The following DAGLA variants were observed in gnomAD, a reference collection of about 807,000 sequenced individuals.
The protein encoded by DAGLA is diacylglycerol lipase-alpha.
In DAGLA, 22 loss-of-function variants were observed where a neutral mutation model predicts 102.6. The ratio of observed to expected loss-of-function variants is 0.21; its 90% CI spans 0.15 to 0.31. The LOEUF is 0.31. DAGLA is among the 10% of genes least tolerant of loss of function. The pLI, the probability that DAGLA is intolerant of heterozygous loss-of-function variation, is 1.00. For synonymous variants in DAGLA, 578 were observed against 628.9 expected (o/e 0.92, Z 1.21); for missense variants, 927 against 1,446.6 (o/e 0.64, Z 5.83).
intron 1 of DAGLA, among the ~76,000 whole-genome samples, chr11:61,695,353 C>G (rs994473140): frequency 1.3e-5 from 2 of 152,318 alleles, no homozygotes; most frequent in Middle Eastern, 3.4e-3. Context: ...CTCACTGACC[C>G]GCCCCGGTTT....
intron 1 of DAGLA, among the ~76,000 whole-genome samples, chr11:61,699,144 C>T (rs1384885862): frequency 6.6e-6 from 1 of 152,176 alleles, no homozygotes; most frequent in Admixed American, 6.5e-5. Context: ...GGGGAACAGG[C>T]CTTTCTCAGT....
rs551433572 is a variant in DAGLA, at chr11:61,722,977, C to T, written c.409+17C>T. On this transcript the variant is annotated intron_variant, in intron 4 of 19. Transcript: ENST00000257215. Reference sequence around the variant, plus strand: ...TCACCCTCGGTACGTCTGGGTGAGGCCTGCTGGAGCCTCAGCAGCCCCGGG... The same window carrying T: ...TCACCCTCGGTACGTCTGGGTGAGGTCTGCTGGAGCCTCAGCAGCCCCGGG... The T allele has an allele frequency of 1.3e-5, 21 of 1,587,690 alleles. No homozygotes were observed. In the East Asian group the frequency reaches 4.5e-4, roughly 34 times the overall value.
intron 6 of DAGLA, among the ~76,000 whole-genome samples, chr11:61,727,005 T>A: frequency 6.6e-6 from 1 of 152,178 alleles, no homozygotes; most frequent in East Asian, 1.9e-4. Context: ...GGATGGAGGC[T>A]GGGGCTGCTG....
chr11:61,737,874 C>T, intron 15 of DAGLA, 119 bp downstream of exon 15: 1 of 926,968 alleles, frequency 1.1e-6, no homozygotes, highest in East Asian at 2.6e-5. Flanking sequence ...CAAGGGACCC[C>T]ACGCCCCTCC....
intron 1 of DAGLA, among the ~76,000 whole-genome samples, chr11:61,707,026 C>T (rs1250281065): frequency 6.6e-6 from 1 of 152,222 alleles, no homozygotes; most frequent in African/African-American, 2.4e-5. Context: ...CAGGGGTTAG[C>T]GGGAGCCTGC....
chr11:61,734,823 T>C lies in DAGLA; in HGVS notation c.975-26T>C. 2 of 1,602,334 alleles carry C rather than the reference T, an allele frequency of 1.2e-6. No homozygotes were observed. Among genetic ancestry groups the C allele is most frequent in the Non-Finnish European group, 1.7e-6 (2 of 1,171,180 alleles). Reference sequence around the variant, plus strand: ...TGTTCCCTCGGGGACTCCCTGGCCCTGAACTCTCTTGTCACCCCACCCTAG... The same window carrying C: ...TGTTCCCTCGGGGACTCCCTGGCCCCGAACTCTCTTGTCACCCCACCCTAG... On this transcript the variant is annotated intron_variant, in intron 9 of 19. Coordinates refer to ENST00000257215, the MANE Select transcript of DAGLA (RefSeq NM_006133.3). This position sits in a 1 kb window ranked among gnomAD's most constrained non-coding sequence, Gnocchi z 4.2.
chr11:61,688,835 G>C (rs1180987029), intron 1 of DAGLA, among the ~76,000 whole-genome samples: 2 of 152,244 alleles, frequency 1.3e-5, no homozygotes, highest in African/African-American at 4.8e-5. Flanking sequence ...GGAAAGCGAC[G>C]GGGCCACCAG....
rs1471491996 is a variant in DAGLA, at chr11:61,680,508, A to AG, written c.-45+10dup. The AG allele has an allele frequency of 6.7e-6, 1 of 149,372 alleles. No individual in the cohort carries two copies. The highest frequency in any genetic ancestry group is 1.5e-5 in the Non-Finnish European group (1 of 67,044). The allele number at this position is 149,372 out of a possible 1,614,324, so 9.3% of individuals were successfully genotyped here. ...CGAGCCCTGCGGCGGGCGGGAGGTA[A>AG]GGGGGGCCTCCGGCGCGGCGGGCCG... is the stretch of plus-strand genomic sequence containing the variant. On this transcript the variant is annotated splice_donor_region_variant and intron_variant, in intron 1 of 19. Coordinates refer to ENST00000257215, the MANE Select transcript of DAGLA (RefSeq NM_006133.3).
chr11:61,740,419 C>T, intron 17 of DAGLA, 44 bp from the exon 18 acceptor site: 1 of 1,598,312 alleles, frequency 6.3e-7, no homozygotes, highest in Non-Finnish European at 8.5e-7. Context: ...GAGGGCCAGG[C>T]CACCACCCCA....
intron 6 of DAGLA, 40 bp from the exon 7 acceptor site, chr11:61,728,113 G>A: frequency 6.2e-7 from 1 of 1,611,556 alleles, no homozygotes. Context: ...CCTCTCTCCT[G>A]CTCCCCTGCC....
intron 15 of DAGLA, 70 bp downstream of exon 15, chr11:61,737,825 C>T (rs2065437923): frequency 7.6e-7 from 1 of 1,321,682 alleles, no homozygotes. Flanking sequence ...TCTCCCCACC[C>T]CCAGCCCCCG....
intron 1 of DAGLA, among the ~76,000 whole-genome samples, chr11:61,707,229 G>A (rs2065157296): frequency 6.6e-6 from 1 of 152,260 alleles, no homozygotes; most frequent in South Asian, 2.1e-4. Flanking sequence ...GAGCAGGTCG[G>A]GAAGCAGAGG....
chr11:61,720,778 C>G lies in DAGLA; in HGVS notation c.195C>G (p.Ile65Met). ...ACCACGGCCGCGGCTACCTGGGCAT[C>G]CTGCTGAGCTGCATGATCGCTGAGA... The part of the protein sequence containing the change: ...LVDHGRGYLG[I>M]LLSCMIAEMA... Residue 65 changes from isoleucine to methionine, a missense_variant, in exon 3 of 20, where the codon ATC becomes ATG. Around this residue, in one of 4 missense-constraint regions of DAGLA, gnomAD observed 231 missense variants for 439.8 expected, o/e 0.53. Transcript: ENST00000257215. 1 of 1,613,934 alleles carries G rather than the reference C, an allele frequency of 6.2e-7. No individual in the cohort carries two copies. Among genetic ancestry groups the G allele is most frequent in the Non-Finnish European group, 8.5e-7 (1 of 1,180,040 alleles).
chr11:61,728,011 G>A, intron 6 of DAGLA, 142 bp from the exon 7 acceptor site: 2 of 907,076 alleles, frequency 2.2e-6, no homozygotes, highest in Admixed American at 4.0e-5. Context: ...GGGCGCTGTG[G>A]AGGTGCTGGG....
intron 1 of DAGLA, among the ~76,000 whole-genome samples, chr11:61,712,782 A>G (rs1002450123): frequency 6.6e-6 from 1 of 152,178 alleles, no homozygotes; most frequent in African/African-American, 2.4e-5. Flanking sequence ...AGGGGAAGGT[A>G]CTGTAGCCCC....
rs1184004513 is a variant in DAGLA at position 61,739,637 on chromosome 11, A to G, written c.1829A>G (p.His610Arg). The G allele has an allele frequency of 6.2e-7, 1 of 1,614,010 alleles. No homozygotes were observed. Among genetic ancestry groups the G allele is most frequent in the Admixed American group, 1.7e-5 (1 of 60,020 alleles). Reference sequence around the variant, plus strand: ...CCCGGCCGCATCATCCACGTGGTCCACAACCACCCTGCAGAGCAGTGCTGG... The same window carrying G: ...CCCGGCCGCATCATCCACGTGGTCCGCAACCACCCTGCAGAGCAGTGCTGG... ...YPPGRIIHVVHNHPAEQCCCC... is the reference protein window; with the variant it reads ...YPPGRIIHVVRNHPAEQCCCC... The change falls in exon 17 of 20, where the codon CAC becomes CGC. Residue 610 changes from histidine to arginine, a missense_variant. Physicochemically the swap from His to Arg is conservative, Grantham distance 29. This residue lies in a region of DAGLA where 218 missense variants were observed against 459.6 expected (regional missense o/e 0.47). Coordinates refer to ENST00000257215, the MANE Select transcript of DAGLA (RefSeq NM_006133.3).
At chr11:61,741,387 G>C (rs952899200) in intron 19 of DAGLA, 38 bp downstream of exon 19, 2 of 1,585,424 alleles carry the variant, frequency 1.3e-6, no homozygotes, top group Non-Finnish European at 1.7e-6. Flanking sequence ...CCCAGGGTGA[G>C]TGTGGTTCAG....
intron 1 of DAGLA, among the ~76,000 whole-genome samples, chr11:61,710,107 A>C (rs1346810543): frequency 6.6e-6 from 1 of 152,106 alleles, no homozygotes; most frequent in African/African-American, 2.4e-5. Flanking sequence ...GGGGGCCCCT[A>C]ATGAAGTGGA....
chr11:61,744,036 C>T lies in DAGLA; in HGVS notation c.2676C>T (p.Arg892=), dbSNP rs367914263. Residue 892 remains arginine, a synonymous_variant, in exon 20 of 20, where the codon CGC becomes CGT. Transcript: ENST00000257215. ...VGGGGGGPAS[R]GELALHNGRL... is the part of the protein sequence containing the mutation. The stretch of plus-strand genomic sequence containing the variant: ...GTGGGGGTGGCGGGCCGGCCTCCCG[C>T]GGGGAGCTGGCGCTGCACAATGGGC... 2.8e-5 allele frequency: 45 copies of T among 1,612,328 alleles called. No individual in the cohort carries two copies. Among genetic ancestry groups the T allele is most frequent in the African/African-American group, 1.7e-4 (13 of 75,042 alleles).
Sources: allele counts gnomAD v4.1 joint callset (sites outside exome capture counted in the v4.1 genomes callset), GRCh38; gene constraint gnomAD v4.1.1; regional missense constraint gnomAD v4.1.1; non-coding constraint Gnocchi (gnomAD v3.1); transcripts MANE v1.5; gene names NCBI Gene and HGNC (gene_info 2026-07-23, HGNC 2026-07-21).